Variants in PER2 observed in about 807,000 individuals in gnomAD.
The protein encoded by PER2 is period circadian regulator 2.
In PER2, 66 loss-of-function variants were observed where a neutral mutation model predicts 121.0. That is an observed-to-expected ratio of 0.55 (90% CI 0.45 to 0.67). The LOEUF (loss-of-function observed/expected upper bound fraction) is 0.67, where lower values mean the gene tolerates loss of function less well. PER2 is among the 30% of genes least tolerant of loss of function. The pLI is 0.00. For synonymous variants in PER2, 684 were observed against 659.9 expected (o/e 1.04, Z -0.56); for missense variants, 1,521 against 1,635.0 (o/e 0.93, Z 1.20).
In PER2 at chr2:238,244,154, C is replaced by T. The variant is rs1461313080; in HGVS notation, c.*2221G>A. The T allele has an allele frequency of 6.6e-6, 1 of 152,528 alleles. No homozygotes were observed. The highest frequency in any genetic ancestry group is 1.5e-5 in the Non-Finnish European group (1 of 68,038). The allele number at this position is 152,528 out of a possible 1,614,324, so 9.4% of individuals were successfully genotyped here. A position where few individuals can be genotyped will look rare whatever the true frequency, so the allele number is the denominator to read the frequency against. On this transcript the variant is annotated 3_prime_UTR_variant, in exon 23 of 23. Coordinates refer to ENST00000254657, the MANE Select transcript of PER2 (RefSeq NM_022817.3). ...CTGGGTAAAGAAAGTTTGGTTTGCACACAAACAAACCACTTGTCCAGCAAG... is the reference window on the plus strand; with the variant it reads ...CTGGGTAAAGAAAGTTTGGTTTGCATACAAACAAACCACTTGTCCAGCAAG...
In PER2 at chr2:238,262,297, G is replaced by A. The variant is rs77146655; in HGVS notation, c.1201C>T (p.Arg401Cys). ...QPFDYSPIRF[R>C]ARNGEYITLD... ...GTGATGTACTCTCCGTTCCGGGCGC[G>A]AAACCGAATGGGAGAATAGTCGAAA... The change falls in exon 11 of 23, where the codon CGC (arginine) becomes TGC (cysteine). Residue 401 changes from arginine (R) to cysteine (C), a missense_variant. Physicochemically the swap from Arg to Cys is radical, Grantham distance 180 (BLOSUM62 -3). Coordinates refer to ENST00000254657, the MANE Select transcript of PER2 (RefSeq NM_022817.3). 2.3e-3 allele frequency: 3,723 copies of A among 1,613,956 alleles called. 78 individuals carry two copies. The African/African-American group carries it at 0.045, about 20-fold the overall frequency.
In PER2 at chr2:238,246,525, C is replaced by G; in HGVS notation, c.3619-1G>C. 1 of 1,550,972 alleles carries G rather than the reference C, an allele frequency of 6.4e-7. No individual in the cohort carries two copies. The highest frequency in any genetic ancestry group is 8.9e-7 in the Non-Finnish European group (1 of 1,124,170). ...CCTTGTTTTCACAGTAAACACATTC[C>G]TTAAAAGAAAAAAAAAGAGAAATCA... On this transcript the variant is annotated splice_acceptor_variant, in intron 22 of 22. Transcript: ENST00000254657. LOFTEE classifies it high-confidence loss of function.
chr2:238,246,374 G>T lies in PER2; in HGVS notation c.*1C>A, dbSNP rs769994015. The stretch of plus-strand genomic sequence containing the variant: ...GCTGCCGGGCTGAGGTGGGGCAGGG[G>T]TTACGTCTGCTCTTCGATCCTGTGA... On this transcript the variant is annotated 3_prime_UTR_variant, in exon 23 of 23. Transcript: ENST00000254657. The T allele has an allele frequency of 6.2e-7, 1 of 1,604,170 alleles. No individual in the cohort carries two copies. The highest frequency in any genetic ancestry group is 1.1e-5 in the South Asian group (1 of 89,976).
chr2:238,295,931 T>G, the PER2 span: 1 of 227,574 alleles, frequency 4.4e-6, no homozygotes, highest in Non-Finnish European at 8.9e-6. Context: ...ACGGATGGTT[T>G]GTTTGCATGA....
upstream of PER2, chr2:238,288,982 G>T (rs1473782053): frequency 3.9e-5 from 6 of 152,334 alleles, no homozygotes; most frequent in East Asian, 9.7e-4. Flanking sequence ...TTCCTCAATG[G>T]AGACGCGGCG....
chr2:238,267,567 T>C (rs1478915060), intron 8 of PER2, among the ~76,000 whole-genome samples: 1 of 151,998 alleles, frequency 6.6e-6, no homozygotes, highest in Admixed American at 6.6e-5. Context: ...CCAGGAAAAG[T>C]TAGGATGGGC....
chr2:238,288,236 C>T (rs1033448392), intron 1 of PER2, 113 bp downstream of exon 1: 1 of 152,316 alleles, frequency 6.6e-6, no homozygotes, highest in African/African-American at 2.4e-5. Flanking sequence ...CCCTTGGTTT[C>T]CTTGGCCTTC....
Position 238,262,982 on chromosome 2 carries a change from T to TTGG in PER2, c.1122_1123insCCA (p.Asp374_Arg375insPro). The TTGG allele has an allele frequency of 2.5e-6, 4 of 1,613,708 alleles. No individual in the cohort carries two copies. Among genetic ancestry groups the TTGG allele is most frequent in the Non-Finnish European group, 3.4e-6 (4 of 1,179,624 alleles). On this transcript the variant is annotated inframe_insertion, in exon 10 of 23. Transcript: ENST00000254657. ...TTGTGGATGGCCAGCATCAAGGGCCTGTCACTAGGGTGGAGCTGCACGAGC... is the reference window on the plus strand; with the variant it reads ...TTGTGGATGGCCAGCATCAAGGGCCTTGGGTCACTAGGGTGGAGCTGCACGAGC...
intron 5 of PER2, among the ~76,000 whole-genome samples, chr2:238,272,307 C>A (rs1236217738): frequency 2.6e-5 from 4 of 152,178 alleles, no homozygotes; most frequent in Non-Finnish European, 5.9e-5. Flanking sequence ...AGGTGGGGGA[C>A]CCTCTGCTCA....
chr2:238,256,020 T>C lies in PER2; in HGVS notation c.2066-109A>G, dbSNP rs1433840957. ...ATCATTCACGTATAAAGTAATTTCA[T>C]GATGCCTGTGGCATGAGGATGAGAC... On this transcript the variant is annotated intron_variant, in intron 17 of 22. Transcript: ENST00000254657. 33 of 1,347,192 alleles carry C rather than the reference T, an allele frequency of 2.4e-5. No individual in the cohort carries two copies. In the East Asian group the frequency reaches 6.0e-4, roughly 24 times the overall value. The allele number at this position is 1,347,192 out of a possible 1,614,324, so 83.5% of individuals were successfully genotyped here.
At chr2:238,291,059 C>T (rs1488114100), upstream of PER2, among the ~76,000 whole-genome samples, 3 of 152,256 alleles carry the variant, frequency 2.0e-5, no homozygotes, top group African/African-American at 7.2e-5. Flanking sequence ...CCAGCTGTCA[C>T]CTCCAGCACG....
rs1695625349 is a variant in PER2, at chr2:238,252,228, C to G, written c.3112-467G>C. Reference sequence around the variant, plus strand: ...GGCCCAGGACTCCAGAAGCAGGAGCCCGGAGGTGGCAGGAGGACTGGGAGA... The same window carrying G: ...GGCCCAGGACTCCAGAAGCAGGAGCGCGGAGGTGGCAGGAGGACTGGGAGA... On this transcript the variant is annotated intron_variant, in intron 19 of 22. Coordinates refer to ENST00000254657, the MANE Select transcript of PER2 (RefSeq NM_022817.3). This position sits in a 1 kb window ranked among gnomAD's most constrained non-coding sequence, Gnocchi z 4.2. 6.6e-6 allele frequency among the ~76,000 whole-genome samples: 1 copy of G among 152,118 alleles called. No individual in the cohort carries two copies. The highest frequency in any genetic ancestry group is 2.4e-5 in the African/African-American group (1 of 41,418).
At chr2:238,258,155 C>T (rs1234489986) in intron 16 of PER2, 121 bp downstream of exon 16, 1 of 1,117,962 alleles carries the variant, frequency 8.9e-7, no homozygotes, top group Non-Finnish European at 1.4e-6. Flanking sequence ...GAACTACTTT[C>T]ATCATTTGAA....
At chr2:238,295,224 T>G in the PER2 span, among the ~76,000 whole-genome samples, 1 of 106,006 alleles carries the variant, frequency 9.4e-6, no homozygotes, top group East Asian at 2.2e-4. Context: ...GTTGTTGTTG[T>G]TCTTCTTCTT....
upstream of PER2, among the ~76,000 whole-genome samples, chr2:238,288,797 T>G (rs1696875822): frequency 6.6e-6 from 1 of 151,342 alleles, no homozygotes; most frequent in African/African-American, 2.4e-5. Flanking sequence ...TGTCACATAG[T>G]GGAAAACGTG....
intron 22 of PER2, among the ~76,000 whole-genome samples, chr2:238,246,791 G>A (rs1220261679): frequency 6.6e-6 from 1 of 152,216 alleles, no homozygotes; most frequent in Non-Finnish European, 1.5e-5. Flanking sequence ...CAGAAGAATC[G>A]CTTGAACCCT....
chr2:238,286,572 C>T (rs77813765), intron 1 of PER2, among the ~76,000 whole-genome samples: 358 of 152,292 alleles, frequency 2.4e-3, no homozygotes, highest in Non-Finnish European at 4.1e-3. Context: ...CCCTTGGTTC[C>T]CAAGGTGGGC....
intron 1 of PER2, among the ~76,000 whole-genome samples, chr2:238,280,039 A>C (rs1696583714): frequency 6.6e-6 from 1 of 152,212 alleles, no homozygotes; most frequent in African/African-American, 2.4e-5. Flanking sequence ...ACAGGAACAG[A>C]AATCCTGTGG....
chr2:238,284,051 A>G (rs1696709394), intron 1 of PER2, among the ~76,000 whole-genome samples: 2 of 152,204 alleles, frequency 1.3e-5, no homozygotes, highest in African/African-American at 4.8e-5. Context: ...GGGTAACAGT[A>G]GTTCCTGCCT....
Sources: allele counts gnomAD v4.1 joint callset (sites outside exome capture counted in the v4.1 genomes callset), GRCh38; gene constraint gnomAD v4.1.1; non-coding constraint Gnocchi (gnomAD v3.1); transcripts MANE v1.5; gene names NCBI Gene and HGNC (gene_info 2026-07-23, HGNC 2026-07-21).